Variants in CAST observed in about 807,000 individuals in gnomAD.
CAST encodes the protein MIR583 host.
CAST carries 76 observed loss-of-function variants against 119.6 expected under a neutral mutation model. The ratio of observed to expected loss-of-function variants is 0.64; its 90% confidence interval spans 0.53 to 0.77. CAST has a LOEUF of 0.77. CAST is among the 30% of genes least tolerant of loss of function. The pLI, the probability that CAST is intolerant of heterozygous loss-of-function variation, is 0.00. For missense variants in CAST, 953 were observed against 946.5 expected (o/e 1.01, Z -0.09); for synonymous variants, 319 against 331.6 (o/e 0.96, Z 0.41).
the CAST span, among the ~76,000 whole-genome samples, chr5:96,178,132 C>G: frequency 6.6e-6 from 1 of 152,116 alleles, no homozygotes; most frequent in African/African-American, 2.4e-5. Flanking sequence ...AAAGATGAAA[C>G]CATAGATTCA....
the CAST span, among the ~76,000 whole-genome samples, chr5:96,217,838 A>G: frequency 2.0e-5 from 3 of 152,196 alleles, no homozygotes; most frequent in African/African-American, 2.4e-5. Flanking sequence ...GGAATGAGGC[A>G]TGAGGCATGG....
chr5:96,586,608 T>C (rs1315308591), intron 1 of CAST, among the ~76,000 whole-genome samples: 2 of 151,986 alleles, frequency 1.3e-5, no homozygotes, highest in Non-Finnish European at 2.9e-5. Context: ...TCAGAATAAG[T>C]TGGAAATCTA....
the CAST span, among the ~76,000 whole-genome samples, chr5:96,493,079 C>T: frequency 6.6e-6 from 1 of 152,292 alleles, no homozygotes; most frequent in East Asian, 1.9e-4. Flanking sequence ...ATTTTCTATA[C>T]ACCAAATGTT....
chr5:96,376,480 G>A, the CAST span, among the ~76,000 whole-genome samples: 302 of 149,768 alleles, frequency 2.0e-3, no homozygotes, highest in African/African-American at 7.2e-3. Flanking sequence ...TCGCTCTGTC[G>A]CCCAGGCTGG....
At chr5:96,731,214 A>G (rs532914941) in intron 9 of CAST, among the ~76,000 whole-genome samples, 2 of 152,310 alleles carry the variant, frequency 1.3e-5, no homozygotes, top group African/African-American at 4.8e-5. Flanking sequence ...TCAGCTTTCA[A>G]TGCTGATGCC....
the CAST span, chr5:96,392,811 A>G: frequency 1.1e-5 from 7 of 656,946 alleles, no homozygotes; most frequent in African/African-American, 9.1e-5. Flanking sequence ...CCTATGATCA[A>G]TTCTGGAAGT....
chr5:96,070,222 C>T, the CAST span, among the ~76,000 whole-genome samples: 1 of 152,310 alleles, frequency 6.6e-6, no homozygotes, highest in African/African-American at 2.4e-5. Context: ...TCCTTCCTCT[C>T]CATTTCCAAA....
the CAST span, among the ~76,000 whole-genome samples, chr5:95,966,265 C>G: frequency 6.6e-6 from 1 of 152,120 alleles, no homozygotes; most frequent in African/African-American, 2.4e-5. Context: ...GAGGCTAAAA[C>G]CCTCCCTAGC....
chr5:96,378,161 G>C, the CAST span, among the ~76,000 whole-genome samples: 1 of 152,072 alleles, frequency 6.6e-6, no homozygotes, highest in Admixed American at 6.6e-5. Flanking sequence ...AATAGGAAGG[G>C]GGAAAGTGGG....
At chr5:96,317,514 C>A in the CAST span, among the ~76,000 whole-genome samples, 1 of 150,018 alleles carries the variant, frequency 6.7e-6, no homozygotes, top group Admixed American at 6.7e-5. Context: ...ATGGTGTCAT[C>A]CTATTTTAGA....
the CAST span, among the ~76,000 whole-genome samples, chr5:96,192,876 A>G: frequency 2.0e-5 from 3 of 152,352 alleles, no homozygotes; most frequent in Admixed American, 6.5e-5. Flanking sequence ...TGAATGTGAC[A>G]TCAATTAGAG....
the CAST span, among the ~76,000 whole-genome samples, chr5:96,474,790 G>C: frequency 1.3e-5 from 2 of 152,052 alleles, no homozygotes; most frequent in African/African-American, 4.8e-5. Context: ...AACAGCCAAG[G>C]TACTCTATGA....
the CAST span, among the ~76,000 whole-genome samples, chr5:96,107,097 T>C: frequency 6.7e-6 from 1 of 149,314 alleles, no homozygotes; most frequent in South Asian, 2.2e-4. Flanking sequence ...TCCATCCTTT[T>C]ATTTTGAGCC....
chr5:96,169,320 C>T, the CAST span, among the ~76,000 whole-genome samples: 5 of 151,922 alleles, frequency 3.3e-5, no homozygotes, highest in Non-Finnish European at 7.4e-5. Context: ...CAACTGAAAG[C>T]GAAGAGAGGC....
At chr5:96,411,137 T>A in the CAST span, 2 of 709,020 alleles carry the variant, frequency 2.8e-6, no homozygotes, top group Admixed American at 4.1e-5. Context: ...GGCTTCGATA[T>A]TGGAAATCTC....
intron 2 of CAST, 149 bp downstream of exon 2, chr5:96,675,750 A>G (rs978997193): frequency 1.7e-6 from 1 of 576,140 alleles, no homozygotes; most frequent in African/African-American, 1.9e-5. Flanking sequence ...TCAAGAATAT[A>G]AAAGGAAATC....
At chr5:96,345,216 G>A in the CAST span, among the ~76,000 whole-genome samples, 17 of 152,092 alleles carry the variant, frequency 1.1e-4, no homozygotes, top group East Asian at 1.2e-3. Flanking sequence ...CCAGATATAC[G>A]CTAATTTTTC....
rs145929527 is a variant in CAST at position 96,590,813 on chromosome 5, A to T, written c.60+60933A>T. Among the ~76,000 whole-genome samples the T allele has an allele frequency of 3.4e-3, 514 of 152,332 alleles. 3 individuals carry two copies. Among genetic ancestry groups the T allele is most frequent in the Middle Eastern group, 0.01 (3 of 294 alleles). ...TGGAAAAATAGTTCTTGGCTGGCAG[A>T]GTTAAGCTCCTGCTTTAAAAATGAT... On this transcript the variant is annotated intron_variant, in intron 1 of 11. Transcript: ENST00000505143.
chr5:95,984,362 C>A, the CAST span, among the ~76,000 whole-genome samples: 1 of 152,076 alleles, frequency 6.6e-6, no homozygotes, highest in Non-Finnish European at 1.5e-5. Context: ...TTAGTATTTT[C>A]ATCTGCTTTT....
Sources: allele counts gnomAD v4.1 joint callset (sites outside exome capture counted in the v4.1 genomes callset), GRCh38; gene constraint gnomAD v4.1.1; transcripts MANE v1.5; gene names NCBI Gene and HGNC (gene_info 2026-07-23, HGNC 2026-07-21).